The following ARID3B variants were observed in gnomAD, a reference collection of about 807,000 sequenced individuals.
ARID3B encodes AT-rich interactive domain-containing protein 3B.
A neutral mutation model predicts 51.9 loss-of-function variants in ARID3B; 10 were observed. That is an observed-to-expected ratio of 0.19 (90% CI 0.12 to 0.33). The LOEUF is 0.33. ARID3B is among the 10% of genes least tolerant of loss of function. The pLI, the probability that ARID3B is intolerant of heterozygous loss-of-function variation, is 1.00. For synonymous variants in ARID3B, 205 were observed against 279.5 expected (o/e 0.73, Z 2.66); for missense variants, 483 against 716.3 (o/e 0.67, Z 3.72).
At chr15:74,558,483 C>T (rs1378910658) in intron 2 of ARID3B, among the ~76,000 whole-genome samples, 2 of 151,672 alleles carry the variant, frequency 1.3e-5, no homozygotes, top group African/African-American at 4.8e-5. Context: ...ATTCCTTCAG[C>T]TCTTTGAACA....
intron 4 of ARID3B, among the ~76,000 whole-genome samples, chr15:74,588,019 T>C (rs536252256): frequency 1.3e-5 from 2 of 152,100 alleles, no homozygotes; most frequent in East Asian, 1.9e-4. Context: ...GGCAGGAGGA[T>C]TGCTTGAGCT....
At chr15:74,581,334 A>C (rs1199598117) in intron 4 of ARID3B, among the ~76,000 whole-genome samples, 4 of 152,176 alleles carry the variant, frequency 2.6e-5, no homozygotes, top group African/African-American at 4.8e-5. Context: ...TTGTGTGCTT[A>C]TCTATCCATC....
chr15:74,561,169 C>A (rs1258409254), intron 2 of ARID3B, among the ~76,000 whole-genome samples: 1 of 152,056 alleles, frequency 6.6e-6, no homozygotes, highest in African/African-American at 2.4e-5. Flanking sequence ...ATTGATTTTT[C>A]TCTTTATGGT....
Position 74,597,175 on chromosome 15 carries a change from A to T in ARID3B, c.*1401A>T, listed in dbSNP as rs1489020866. The T allele has an allele frequency of 3.6e-6, 1 of 280,172 alleles. No individual in the cohort carries two copies. 17.4% of individuals were successfully genotyped at this position (280,172 alleles called of 1,614,324 possible). A position where few individuals can be genotyped will look rare whatever the true frequency, so the allele number is the denominator to read the frequency against. ...GGTTGAGCCGCCCCAGGGTATGAGG[A>T]GATGAATAACTCCACAGCTCCTCCT... On this transcript the variant is annotated 3_prime_UTR_variant, in exon 9 of 9. Coordinates refer to ENST00000346246, the MANE Select transcript of ARID3B (RefSeq NM_006465.4).
chr15:74,587,703 C>T (rs901093448), intron 4 of ARID3B, among the ~76,000 whole-genome samples: 3 of 152,100 alleles, frequency 2.0e-5, no homozygotes, highest in African/African-American at 4.8e-5. Context: ...AGGAGGTCGA[C>T]GTTAGCCCTG....
intron 2 of ARID3B, among the ~76,000 whole-genome samples, chr15:74,570,167 G>A (rs539453934): frequency 6.6e-5 from 10 of 152,080 alleles, no homozygotes; most frequent in Non-Finnish European, 1.5e-4. Context: ...CCATCTGACT[G>A]TCAGATTCTC....
chr15:74,593,228 C>T lies in ARID3B; in HGVS notation c.1511C>T (p.Thr504Ile). Residue 504 changes from threonine to isoleucine, a missense_variant, in exon 8 of 9, where the codon ACC becomes ATC. Thr to Ile is a moderately conservative substitution (Grantham distance 89). Around this residue, in one of 3 missense-constraint regions of ARID3B, gnomAD observed 265 missense variants for 354.4 expected, o/e 0.75. Coordinates refer to ENST00000346246, the MANE Select transcript of ARID3B (RefSeq NM_006465.4). ...ATGTCTGTGGACATCGATGGCACCA[C>T]CTATGCAGGTGAGGCCCTGGAGCTC... ...INMSVDIDGT[T>I]YAGVLFAQKP... is the part of the protein sequence containing the mutation. 1 of 1,612,608 alleles carries T rather than the reference C, an allele frequency of 6.2e-7. No individual in the cohort carries two copies. The highest frequency in any genetic ancestry group is 8.5e-7 in the Non-Finnish European group (1 of 1,179,660).
At chr15:74,566,809 G>GTCTC (rs1157443811) in intron 2 of ARID3B, among the ~76,000 whole-genome samples, 2 of 151,584 alleles carry the variant, frequency 1.3e-5, no homozygotes, top group African/African-American at 4.8e-5. Flanking sequence ...GTAATTGTTT[G>GTCTC]TCTCTCTCTC....
intron 2 of ARID3B, among the ~76,000 whole-genome samples, chr15:74,559,340 A>T (rs1159730590): frequency 6.6e-6 from 1 of 152,182 alleles, no homozygotes; most frequent in Non-Finnish European, 1.5e-5. Context: ...CAGCTTTTCT[A>T]TGTGAGGTTT....
intron 2 of ARID3B, among the ~76,000 whole-genome samples, chr15:74,553,128 C>T (rs1166515744): frequency 6.6e-6 from 1 of 152,172 alleles, no homozygotes; most frequent in African/African-American, 2.4e-5. Context: ...GGCCATGTTC[C>T]TTTAACTGAA....
chr15:74,543,998 C>T lies in ARID3B; in HGVS notation c.62C>T (p.Ala21Val), dbSNP rs2061604725. The T allele has an allele frequency of 6.2e-7, 1 of 1,611,582 alleles. No homozygotes were observed. The highest frequency in any genetic ancestry group is 1.1e-5 in the South Asian group (1 of 90,726). Reference protein sequence around the residue: ...QQQQQKQPHLAPLQMDAREKQ... With the variant: ...QQQQQKQPHLVPLQMDAREKQ... The stretch of plus-strand genomic sequence containing the variant: ...CAACAACAGAAGCAGCCACACCTGG[C>T]TCCTCTGCAGATGGATGCCAGAGAG... The change falls in exon 2 of 9, where the codon GCT becomes GTT. Residue 21 changes from alanine (A) to valine (V), a missense_variant. Ala to Val is a moderately conservative substitution (Grantham distance 64, BLOSUM62 0). Transcript: ENST00000346246.
intron 8 of ARID3B, 70 bp from the exon 9 acceptor site, chr15:74,595,541 T>C: frequency 5.8e-6 from 9 of 1,544,848 alleles, no homozygotes; most frequent in Non-Finnish European, 7.9e-6. Context: ...CGGTGAATAC[T>C]TACTGAAAGG....
chr15:74,591,064 G>T lies in ARID3B; in HGVS notation c.882-87G>T. 2 of 1,515,348 alleles carry T rather than the reference G, an allele frequency of 1.3e-6. No homozygotes were observed. The highest frequency in any genetic ancestry group is 4.6e-5 in the East Asian group (2 of 43,866). The allele number at this position is 1,515,348 out of a possible 1,614,324, so 93.9% of individuals were successfully genotyped here. On this transcript the variant is annotated intron_variant, in intron 5 of 8. Coordinates refer to ENST00000346246, the MANE Select transcript of ARID3B (RefSeq NM_006465.4). This position sits in a 1 kb window ranked among gnomAD's most constrained non-coding sequence, Gnocchi z 5.8. ...TTGCCCTAGAGTCCTGCCCAACAGAGACTGCTTCCAGAGACCCACCAACCT... is the reference window on the plus strand; with the variant it reads ...TTGCCCTAGAGTCCTGCCCAACAGATACTGCTTCCAGAGACCCACCAACCT...
rs143261698 is a variant in ARID3B, at chr15:74,589,825, C to T, written c.703C>T (p.Pro235Ser). 6.2e-7 allele frequency: 1 copy of T among 1,607,296 alleles called. No homozygotes were observed. Among genetic ancestry groups the T allele is most frequent in the African/African-American group, 1.3e-5 (1 of 74,634 alleles). The change falls in exon 5 of 9, where the codon CCC becomes TCC. Residue 235 changes from proline (P) to serine (S), a missense_variant. Physicochemically the swap from Pro to Ser is moderately conservative, Grantham distance 74. This residue lies in a region of ARID3B where 36 missense variants were observed against 117.5 expected (regional missense o/e 0.31). Coordinates refer to ENST00000346246, the MANE Select transcript of ARID3B (RefSeq NM_006465.4). ...CTCTCGTTGGACAACCACAGGGACC[C>T]CCATCAACCGAATCCCCATCATGGC... Reference protein sequence around the residue: ...LFVFMQKRGTPINRIPIMAKQ... With the variant: ...LFVFMQKRGTSINRIPIMAKQ...
rs144245237 is a variant in ARID3B at position 74,589,983 on chromosome 15, C to T, written c.861C>T (p.Ala287=). 67 of 1,612,788 alleles carry T rather than the reference C, an allele frequency of 4.2e-5. No homozygotes were observed. In the African/African-American group the frequency reaches 6.4e-4, roughly 15 times the overall value. The change falls in exon 5 of 9, where the codon GCC becomes GCT. Residue 287 remains alanine, a synonymous_variant. Coordinates refer to ENST00000346246, the MANE Select transcript of ARID3B (RefSeq NM_006465.4). ...GLNLPTSITS[A]AFTLRTQYMK... ...ACCTGCCCACATCCATCACCAGCGC[C>T]GCCTTCACCCTCAGGACGCAGTGAG...
intron 1 of ARID3B, among the ~76,000 whole-genome samples, chr15:74,543,030 G>A (rs555933567): frequency 2.5e-4 from 38 of 152,256 alleles, no homozygotes; most frequent in East Asian, 1.7e-3. Context: ...GATTTACTTC[G>A]CTGTTTATAA....
At chr15:74,589,059 T>G (rs1386189476) in intron 4 of ARID3B, among the ~76,000 whole-genome samples, 2 of 73,774 alleles carry the variant, frequency 2.7e-5, no homozygotes, top group Non-Finnish European at 4.3e-5. Flanking sequence ...TAAGACAGTC[T>G]CACTGTCGCC....
rs1440382979 is a variant in ARID3B, at chr15:74,545,296, C to T, written c.552+808C>T. ...ATTTTCCAACAAAGAGCCTTGTAGA[C>T]ATGATTTCATTTCACTCTTACATCA... is the stretch of plus-strand genomic sequence containing the variant. On this transcript the variant is annotated intron_variant, in intron 2 of 8. Transcript: ENST00000346246. 7.9e-5 allele frequency among the ~76,000 whole-genome samples: 12 copies of T among 152,208 alleles called. 1 individual carries two copies. Among genetic ancestry groups the T allele is most frequent in the Admixed American group, 7.9e-4 (12 of 15,276 alleles).
rs142631249 is a variant in ARID3B at position 74,549,969 on chromosome 15, C to G, written c.552+5481C>G. 6.4e-4 allele frequency among the ~76,000 whole-genome samples: 97 copies of G among 152,308 alleles called. 1 individual carries two copies. Among genetic ancestry groups the G allele is most frequent in the African/African-American group, 2.3e-3 (95 of 41,566 alleles). On this transcript the variant is annotated intron_variant, in intron 2 of 8. Coordinates refer to ENST00000346246, the MANE Select transcript of ARID3B (RefSeq NM_006465.4). ...AACAGTAGTGCCAAGGTTGAGAAAC[C>G]GTGCTCTAGATTGTGCAACCAGAAA...
Sources: gnomAD v4.1 joint callset for allele counts (sites outside exome capture counted in the v4.1 genomes callset) on GRCh38, gnomAD v4.1.1 for gene constraint, gnomAD v4.1.1 regional missense constraint, Gnocchi (gnomAD v3.1) non-coding constraint, MANE v1.5 for transcripts, NCBI Gene and HGNC (gene_info 2026-07-23, HGNC 2026-07-21) for gene names.